The following SLF1 variants were observed in gnomAD, a reference collection of about 807,000 sequenced individuals.
SLF1 encodes SMC5-SMC6 complex localization factor protein 1.
A neutral mutation model predicts 123.0 loss-of-function variants in SLF1; 105 were observed. That is an observed-to-expected ratio of 0.85 (90% CI 0.73 to 1.00). The LOEUF is 1.00. SLF1 is among the 50% of genes least tolerant of loss of function. The probability of loss-of-function intolerance (pLI) is 0.00; values close to 1 mark genes in which losing one functional copy is unlikely to be tolerated. For missense variants in SLF1, 1,239 were observed against 1,223.0 expected, an observed-to-expected ratio of 1.01 and a Z score of -0.20; for synonymous variants, 434 against 406.6, an observed-to-expected ratio of 1.07 and a Z score of -0.81.
chr5:94,689,447 T>C (rs1380290183), intron 17 of SLF1, 26 bp from the exon 18 acceptor site: 6 of 1,595,420 alleles, frequency 3.8e-6, no homozygotes, highest in Non-Finnish European at 5.1e-6. Context: ...AAACAAGCTT[T>C]CATTATTTCT....
intron 16 of SLF1, among the ~76,000 whole-genome samples, chr5:94,687,767 G>A (rs1249671547): frequency 1.3e-5 from 2 of 152,034 alleles, no homozygotes; most frequent in Non-Finnish European, 2.9e-5. Flanking sequence ...TTTGAGCGTA[G>A]CCAAGGGTTG....
intron 4 of SLF1, among the ~76,000 whole-genome samples, chr5:94,639,484 G>T (rs1253370779): frequency 6.6e-6 from 1 of 151,724 alleles, no homozygotes; most frequent in African/African-American, 2.4e-5. Context: ...ATCTTTAACT[G>T]TTCATAGTCA....
chr5:94,643,128 G>T, intron 4 of SLF1, 145 bp from the exon 5 acceptor site: 1 of 539,044 alleles, frequency 1.9e-6, no homozygotes, highest in Non-Finnish European at 3.2e-6. Flanking sequence ...TTGCAGCCGT[G>T]TTCTCTGTGA....
intron 14 of SLF1, 26 bp from the exon 15 acceptor site, chr5:94,678,782 G>A (rs771015200): frequency 1.3e-6 from 2 of 1,573,888 alleles, no homozygotes; most frequent in East Asian, 4.6e-5. Flanking sequence ...ATATATTTTA[G>A]TAATTTTTTT....
intron 1 of SLF1, among the ~76,000 whole-genome samples, chr5:94,626,542 G>T (rs1485932359): frequency 6.6e-6 from 1 of 152,108 alleles, no homozygotes; most frequent in Non-Finnish European, 1.5e-5. Context: ...TGCCCCTTTT[G>T]CAGCCAGTTG....
chr5:94,661,538 T>G (rs1749109455), intron 9 of SLF1, among the ~76,000 whole-genome samples: 1 of 151,374 alleles, frequency 6.6e-6, no homozygotes, highest in African/African-American at 2.4e-5. Context: ...TTTGTTTTTT[T>G]GTTTTTTTTT....
chr5:94,625,543 C>G (rs1792162478), intron 1 of SLF1, among the ~76,000 whole-genome samples: 1 of 151,892 alleles, frequency 6.6e-6, no homozygotes, highest in African/African-American at 2.4e-5. Context: ...GCCACCACAC[C>G]TGGCTAATTT....
intron 15 of SLF1, among the ~76,000 whole-genome samples, chr5:94,680,974 G>A (rs547853071): frequency 1.3e-5 from 2 of 152,126 alleles, no homozygotes; most frequent in Non-Finnish European, 2.9e-5. Flanking sequence ...CAAAACTTTC[G>A]ATGAGACTTA....
chr5:94,673,872 T>A (rs1227426650), intron 14 of SLF1, among the ~76,000 whole-genome samples: 1 of 152,066 alleles, frequency 6.6e-6, no homozygotes, highest in African/African-American at 2.4e-5. Context: ...ACGGGAAGAT[T>A]GCTCTGAGTA....
intron 5 of SLF1, among the ~76,000 whole-genome samples, chr5:94,646,295 C>A (rs1337566252): frequency 6.6e-6 from 1 of 152,154 alleles, no homozygotes; most frequent in African/African-American, 2.4e-5. Context: ...TTTTGTTTAA[C>A]CCTCTTATAC....
Position 94,631,865 on chromosome 5 carries a change from A to T in SLF1, c.431+1122A>T, listed in dbSNP as rs536331307. ...CATAGTGGCTCAGGTCTGTAATCCT[A>T]GCACTTTGAGAGGCCAAGGCAGGAG... On this transcript the variant is annotated intron_variant, in intron 4 of 20. Transcript: ENST00000265140. 2.0e-5 allele frequency among the ~76,000 whole-genome samples: 3 copies of T among 152,278 alleles called. No individual in the cohort carries two copies. The South Asian group carries it at 6.2e-4, about 32-fold the overall frequency.
At chr5:94,645,369 A>C (rs1225583401) in intron 5 of SLF1, among the ~76,000 whole-genome samples, 1 of 152,160 alleles carries the variant, frequency 6.6e-6, no homozygotes, top group African/African-American at 2.4e-5. Context: ...ACAACACTGA[A>C]ACCTGTTTTA....
chr5:94,691,806 T>A (rs1753078027), intron 19 of SLF1, 150 bp downstream of exon 19: 2 of 685,992 alleles, frequency 2.9e-6, no homozygotes, highest in African/African-American at 3.7e-5. Flanking sequence ...CCAAGAAATT[T>A]CTCATATATT....
chr5:94,693,936 G>A (rs1028538572), intron 20 of SLF1, among the ~76,000 whole-genome samples: 6 of 150,772 alleles, frequency 4.0e-5, no homozygotes, highest in Non-Finnish European at 7.4e-5. Context: ...ATGTATGTCT[G>A]ATCAGAGTCA....
At chr5:94,688,485 T>C (rs753599629) in intron 16 of SLF1, 21 bp from the exon 17 acceptor site, 27 of 1,605,982 alleles carry the variant, frequency 1.7e-5, no homozygotes, top group Non-Finnish European at 2.2e-5. Context: ...GAGAAAATAA[T>C]GCAATATTAT....
intron 14 of SLF1, among the ~76,000 whole-genome samples, chr5:94,678,230 T>A (rs1751325064): frequency 6.6e-6 from 1 of 152,182 alleles, no homozygotes; most frequent in African/African-American, 2.4e-5. Context: ...AGTGATATAC[T>A]TTTAAAACTG....
intron 9 of SLF1, among the ~76,000 whole-genome samples, chr5:94,655,640 T>C (rs991314166): frequency 3.3e-5 from 5 of 152,090 alleles, no homozygotes; most frequent in Non-Finnish European, 7.4e-5. Flanking sequence ...GTTTTTTCGT[T>C]TTTTCCTTGT....
chr5:94,686,682 C>T lies in SLF1; in HGVS notation c.2085C>T (p.Gly695=). 6.2e-7 allele frequency: 1 copy of T among 1,614,084 alleles called. No homozygotes were observed. ...VFKKLCLQSS[G]SVSSEPLSLQ... ...AAAAGTTGTGTCTACAGAGCTCTGG[C>T]AGTGTTTCTTCTGAGCCACTCTCTC... is the stretch of plus-strand genomic sequence containing the variant. Residue 695 remains glycine (G), a synonymous_variant, in exon 16 of 21, where the codon GGC becomes GGT. Transcript: ENST00000265140.
chr5:94,641,240 TG>T (rs1337258150), intron 4 of SLF1, among the ~76,000 whole-genome samples: 1 of 143,954 alleles, frequency 6.9e-6, no homozygotes, highest in African/African-American at 2.6e-5. Context: ...GTGAAAGTAT[TG>T]GAAGGTGGGG....
Sources: gnomAD v4.1 joint callset for allele counts (sites outside exome capture counted in the v4.1 genomes callset) on GRCh38, gnomAD v4.1.1 for gene constraint, MANE v1.5 for transcripts, NCBI Gene and HGNC (gene_info 2026-07-23, HGNC 2026-07-21) for gene names.